MITF: variants seen among roughly 807,000 people sequenced by gnomAD.
MITF encodes the protein melanocyte inducing transcription factor.
In MITF, 17 loss-of-function variants were observed where a neutral mutation model predicts 60.5. That is an observed-to-expected ratio of 0.28 (90% CI 0.19 to 0.42). The LOEUF is 0.42. MITF is among the 10% of genes least tolerant of loss of function. MITF has a pLI of 1.00. For missense variants in MITF, 622 were observed against 683.5 expected (o/e 0.91, Z 1.00); for synonymous variants, 260 against 248.5 (o/e 1.05, Z -0.43).
chr3:69,909,877 A>G (rs747360464), intron 2 of MITF, among the ~76,000 whole-genome samples: 2 of 152,236 alleles, frequency 1.3e-5, no homozygotes, highest in Non-Finnish European at 2.9e-5. Context: ...ATGATGCAGT[A>G]GAAAAGAAAA....
chr3:69,912,531 G>A (rs547900697), intron 2 of MITF, among the ~76,000 whole-genome samples: 122 of 152,298 alleles, frequency 8.0e-4, no homozygotes, highest in African/African-American at 2.9e-3. Flanking sequence ...AGTCATCTCT[G>A]TTGGTATTTT....
rs937454183 is a variant in MITF at position 69,966,480 on chromosome 3, G to A, written c.*1232G>A. On this transcript the variant is annotated 3_prime_UTR_variant, in exon 10 of 10. Coordinates refer to ENST00000352241, the MANE Select transcript of MITF (RefSeq NM_001354604.2). The stretch of plus-strand genomic sequence containing the variant: ...TATTTATTTTTAGGACATGAAAATA[G>A]CAATATTCTTGGAGATTGATAACCA... 1.3e-5 allele frequency: 3 copies of A among 232,620 alleles called. No homozygotes were observed. The highest frequency in any genetic ancestry group is 1.7e-5 in the Non-Finnish European group (2 of 117,526). The allele number at this position is 232,620 out of a possible 1,614,324, so 14.4% of individuals were successfully genotyped here. A position where few individuals can be genotyped will look rare whatever the true frequency, so the allele number is the denominator to read the frequency against.
At chr3:69,883,771 C>T (rs113415648) in intron 2 of MITF, among the ~76,000 whole-genome samples, 3,856 of 152,244 alleles carry the variant, frequency 0.025, 147 homozygotes, top group African/African-American at 0.085. Context: ...CTAGAGGTGT[C>T]ACTCTCATAA....
At chr3:69,872,521 A>AC (rs2107252775) in intron 1 of MITF, among the ~76,000 whole-genome samples, 1 of 152,358 alleles carries the variant, frequency 6.6e-6, no homozygotes, top group African/African-American at 2.4e-5. Flanking sequence ...ATGTACAAAA[A>AC]TAAAAAATGA....
chr3:69,885,092 G>A (rs540096723), intron 2 of MITF, among the ~76,000 whole-genome samples: 1 of 152,160 alleles, frequency 6.6e-6, no homozygotes, highest in African/African-American at 2.4e-5. Context: ...CACAATCTGG[G>A]TTTGATTTCA....
At chr3:69,932,596 A>G (rs1182228303) in intron 2 of MITF, among the ~76,000 whole-genome samples, 2 of 152,180 alleles carry the variant, frequency 1.3e-5, no homozygotes, top group African/African-American at 2.4e-5. Context: ...CCCTTAGGCC[A>G]GGATTCATAC....
chr3:69,922,274 T>G (rs1434565383), intron 2 of MITF, among the ~76,000 whole-genome samples: 2 of 152,072 alleles, frequency 1.3e-5, no homozygotes, highest in Non-Finnish European at 2.9e-5. Context: ...CAGGCTGGAG[T>G]GCGGTGGCAC....
intron 2 of MITF, among the ~76,000 whole-genome samples, chr3:69,934,166 C>T (rs564267301): frequency 6.6e-6 from 1 of 152,168 alleles, no homozygotes; most frequent in East Asian, 1.9e-4. Context: ...ATCAGAGGGC[C>T]CTGGTTGTAT....
intron 1 of MITF, among the ~76,000 whole-genome samples, chr3:69,871,593 GT>G (rs1299058164): frequency 1.3e-5 from 2 of 152,212 alleles, no homozygotes; most frequent in Admixed American, 1.3e-4. Flanking sequence ...TTAGATTACA[GT>G]TTGTACTTTT....
At chr3:69,883,210 C>T (rs1314921744) in intron 2 of MITF, among the ~76,000 whole-genome samples, 1 of 152,156 alleles carries the variant, frequency 6.6e-6, no homozygotes, top group African/African-American at 2.4e-5. Context: ...TCCAAATCAT[C>T]TCAAGAGTTG....
At chr3:69,776,284 A>G (rs1409736090) in intron 1 of MITF, among the ~76,000 whole-genome samples, 1 of 152,202 alleles carries the variant, frequency 6.6e-6, no homozygotes, top group African/African-American at 2.4e-5. Context: ...TCATGAGATA[A>G]TATATGAAAA....
chr3:69,946,412 T>C (rs1429872446), intron 5 of MITF, among the ~76,000 whole-genome samples: 2 of 152,194 alleles, frequency 1.3e-5, no homozygotes, highest in Non-Finnish European at 2.9e-5. Flanking sequence ...AGTTTCTAAC[T>C]GGTTAATATC....
At chr3:69,909,197 G>A (rs922781809) in intron 2 of MITF, among the ~76,000 whole-genome samples, 9 of 152,126 alleles carry the variant, frequency 5.9e-5, no homozygotes, top group Non-Finnish European at 1.2e-4. Context: ...AGTCTCACGA[G>A]ATCTGATGGG....
At chr3:69,746,166 C>T (rs1339099743) in intron 1 of MITF, among the ~76,000 whole-genome samples, 2 of 152,168 alleles carry the variant, frequency 1.3e-5, no homozygotes, top group African/African-American at 2.4e-5. Context: ...TTGGAGATTT[C>T]CTTTTCCCGA....
chr3:69,830,212 C>T (rs1197006406), intron 1 of MITF, among the ~76,000 whole-genome samples: 1 of 152,124 alleles, frequency 6.6e-6, no homozygotes, highest in African/African-American at 2.4e-5. Flanking sequence ...CACTGGTGTA[C>T]AGTGGCCACA....
chr3:69,956,399 C>T (rs776175829), intron 7 of MITF, 56 bp from the exon 8 acceptor site: 23 of 1,363,934 alleles, frequency 1.7e-5, no homozygotes, highest in Non-Finnish European at 2.1e-5. Flanking sequence ...ATGAGATGTG[C>T]TAAATGCATA....
chr3:69,914,274 A>T (rs1173997404), intron 2 of MITF, among the ~76,000 whole-genome samples: 1 of 152,136 alleles, frequency 6.6e-6, no homozygotes, highest in Non-Finnish European at 1.5e-5. Flanking sequence ...GGCACATGCC[A>T]CCACAACTGG....
intron 1 of MITF, among the ~76,000 whole-genome samples, chr3:69,769,961 A>G (rs2062367550): frequency 6.6e-6 from 1 of 152,200 alleles, no homozygotes; most frequent in South Asian, 2.1e-4. Flanking sequence ...CTGAAATTCA[A>G]TTCAACTGGG....
intron 7 of MITF, among the ~76,000 whole-genome samples, chr3:69,955,009 A>G (rs1363925295): frequency 6.6e-6 from 1 of 152,204 alleles, no homozygotes; most frequent in African/African-American, 2.4e-5. Flanking sequence ...CATTAATTAG[A>G]GACATTTATC....
Sources: gnomAD v4.1 joint callset for allele counts (sites outside exome capture counted in the v4.1 genomes callset) on GRCh38, gnomAD v4.1.1 for gene constraint, MANE v1.5 for transcripts, NCBI Gene and HGNC (gene_info 2026-07-23, HGNC 2026-07-21) for gene names.